KAZN: variants seen among roughly 807,000 people sequenced by gnomAD.
KAZN encodes kazrin, periplakin interacting protein, also known as kazrin.
In KAZN, 40 loss-of-function variants were observed where a neutral mutation model predicts 87.4. That is an observed-to-expected ratio of 0.46 (90% confidence interval 0.36 to 0.60). The LOEUF is 0.60. KAZN is among the 20% of genes least tolerant of loss of function. The probability of loss-of-function intolerance (pLI) is 0.00; values close to 1 mark genes in which losing one functional copy is unlikely to be tolerated. For synonymous variants in KAZN, 466 were observed against 458.3 expected (o/e 1.02, Z -0.22); for missense variants, 898 against 1,073.9 (o/e 0.84, Z 2.29).
chr1:14,942,145 G>A (rs1661150628), intron 1 of KAZN, among the ~76,000 whole-genome samples: 1 of 152,164 alleles, frequency 6.6e-6, no homozygotes. Context: ...CAGTGTTGAA[G>A]CATCACAAGC....
At chr1:14,798,139 C>A (rs577563801) in intron 1 of KAZN, among the ~76,000 whole-genome samples, 2 of 152,224 alleles carry the variant, frequency 1.3e-5, no homozygotes, top group East Asian at 3.9e-4. Context: ...CTGTTGCTGC[C>A]GCTTACACAG....
intron 2 of KAZN, among the ~76,000 whole-genome samples, chr1:14,281,027 A>G (rs1416462159): frequency 6.6e-6 from 1 of 152,180 alleles, no homozygotes; most frequent in African/African-American, 2.4e-5. Flanking sequence ...GCAGGATCCC[A>G]CTTTAGCTTG....
intron 2 of KAZN, among the ~76,000 whole-genome samples, chr1:14,417,498 TGCCA>T (rs1664895676): frequency 6.6e-6 from 1 of 152,174 alleles, no homozygotes; most frequent in Non-Finnish European, 1.5e-5. Flanking sequence ...ATTTGTCCAG[TGCCA>T]TGGAGTCAAT....
intron 1 of KAZN, among the ~76,000 whole-genome samples, chr1:14,874,570 G>T (rs890611810): frequency 1.3e-5 from 2 of 152,184 alleles, no homozygotes; most frequent in Admixed American, 6.5e-5. Flanking sequence ...CTTAACTACT[G>T]CAGGTAACTG....
At chr1:14,583,126 G>A (rs1010571988) in intron 2 of KAZN, among the ~76,000 whole-genome samples, 5 of 152,262 alleles carry the variant, frequency 3.3e-5, no homozygotes, top group South Asian at 2.1e-4. Context: ...TTGTCATTCC[G>A]CAGATGAGAA....
At chr1:14,534,011 T>C (rs1672348237) in intron 2 of KAZN, among the ~76,000 whole-genome samples, 1 of 152,174 alleles carries the variant, frequency 6.6e-6, no homozygotes, top group South Asian at 2.1e-4. Context: ...AAAGTTCTAT[T>C]TCTTTATGAG....
intron 2 of KAZN, among the ~76,000 whole-genome samples, chr1:14,977,255 C>T (rs1403555188): frequency 6.6e-6 from 1 of 152,188 alleles, no homozygotes. Flanking sequence ...GTCCCCGCAG[C>T]TGGGTGAGTA....
chr1:15,099,732 C>T lies in KAZN; in HGVS notation c.1548-1811C>T, dbSNP rs558821510. On this transcript the variant is annotated intron_variant, in intron 10 of 14. Transcript: ENST00000376030. The surrounding 1 kb of genome is among the most constrained non-coding windows in gnomAD (Gnocchi z 5.4). The stretch of plus-strand genomic sequence containing the variant: ...TTGAGCAGGGGAGTGCACGGTCACA[C>T]TGACATTTTAAAAGGACCCCCTGGT... Among the ~76,000 whole-genome samples the T allele has an allele frequency of 6.6e-6, 1 of 152,244 alleles. No individual in the cohort carries two copies. Among genetic ancestry groups the T allele is most frequent in the East Asian group, 1.9e-4 (1 of 5,178 alleles).
chr1:14,420,890 A>G lies in KAZN; in HGVS notation c.250-178093A>G, dbSNP rs1175644178. 6.7e-4 allele frequency among the ~76,000 whole-genome samples: 22 copies of G among 32,606 alleles called. 1 individual carries two copies. In the Admixed American group the frequency reaches 9.5e-3, roughly 14 times the overall value. The allele number at this position is 32,606 out of a possible 152,430, so 21.4% of individuals were successfully genotyped here. A position where few individuals can be genotyped will look rare whatever the true frequency, so the allele number is the denominator to read the frequency against. ...GGTTGCCGCCCGCACCTCTCCCTCC[A>G]CACCTCCCCTCCACACCTCCCCTCC... On this transcript the variant is annotated intron_variant, in intron 2 of 16. Transcript: ENST00000636203.
chr1:14,333,996 G>A (rs981046509), intron 2 of KAZN, among the ~76,000 whole-genome samples: 1 of 151,464 alleles, frequency 6.6e-6, no homozygotes, highest in Non-Finnish European at 1.5e-5. Flanking sequence ...CACCCTGCAG[G>A]AAATGGGAAA....
chr1:14,570,383 A>T (rs1402823415), intron 2 of KAZN, among the ~76,000 whole-genome samples: 1 of 152,048 alleles, frequency 6.6e-6, no homozygotes. Flanking sequence ...GTACCTTTTT[A>T]CCCTCCTCCT....
chr1:14,315,412 T>C (rs72644461), intron 2 of KAZN, among the ~76,000 whole-genome samples: 17,185 of 152,208 alleles, frequency 0.11, 1,051 homozygotes, highest in East Asian at 0.23. Context: ...ACATCTAATA[T>C]TTAACAAAGC....
chr1:14,626,848 C>T (rs1003806262), intron 1 of KAZN, among the ~76,000 whole-genome samples: 4 of 152,126 alleles, frequency 2.6e-5, no homozygotes, highest in African/African-American at 9.7e-5. Flanking sequence ...TGCTTGCGGC[C>T]CTGTTCCCTG....
chr1:14,687,107 A>C (rs1281473793), intron 1 of KAZN, among the ~76,000 whole-genome samples: 1 of 152,070 alleles, frequency 6.6e-6, no homozygotes, highest in Non-Finnish European at 1.5e-5. Flanking sequence ...ACCAACTTAT[A>C]CTATGGTTAC....
intron 1 of KAZN, among the ~76,000 whole-genome samples, chr1:14,940,937 A>G (rs1349702748): frequency 8.9e-6 from 1 of 112,590 alleles, no homozygotes; most frequent in Non-Finnish European, 1.7e-5. Flanking sequence ...TTTCTGAGAG[A>G]CGCAGCCTTG....
intron 1 of KAZN, among the ~76,000 whole-genome samples, chr1:14,033,668 G>A (rs1641421697): frequency 6.6e-6 from 1 of 152,126 alleles, no homozygotes; most frequent in Admixed American, 6.6e-5. Flanking sequence ...CTTAGGAATG[G>A]GACAGAAATG....
chr1:14,799,258 C>T (rs17368493), intron 1 of KAZN, among the ~76,000 whole-genome samples: 4,979 of 152,260 alleles, frequency 0.033, 148 homozygotes, highest in South Asian at 0.095. Context: ...AGAATGGATG[C>T]GCAATGAATC....
At chr1:14,144,255 G>T (rs894474147) in intron 1 of KAZN, among the ~76,000 whole-genome samples, 6 of 152,016 alleles carry the variant, frequency 3.9e-5, no homozygotes, top group African/African-American at 9.7e-5. Flanking sequence ...TCATCTTTTT[G>T]CTCTGCGTTA....
intron 2 of KAZN, among the ~76,000 whole-genome samples, chr1:14,540,918 G>A (rs1368518088): frequency 1.3e-5 from 2 of 152,144 alleles, no homozygotes; most frequent in Non-Finnish European, 2.9e-5. Context: ...GGGTTTTTCA[G>A]TCCTGTCCCT....
Sources: gnomAD v4.1 joint callset for allele counts (sites outside exome capture counted in the v4.1 genomes callset) on GRCh38, gnomAD v4.1.1 for gene constraint, Gnocchi (gnomAD v3.1) non-coding constraint, MANE v1.5 for transcripts, NCBI Gene and HGNC (gene_info 2026-07-23, HGNC 2026-07-21) for gene names.